The following GJA3 variants were observed in gnomAD, a reference collection of about 807,000 sequenced individuals.
The protein encoded by GJA3 is gap junction alpha-3 protein.
For synonymous variants in GJA3, 297 were observed against 292.6 expected, an observed-to-expected ratio of 1.02 and a Z score of -0.15; for missense variants, 571 against 620.3, an observed-to-expected ratio of 0.92 and a Z score of 0.84.
intron 1 of GJA3, among the ~76,000 whole-genome samples, chr13:20,151,371 G>C (rs1010056808): frequency 7.2e-5 from 11 of 152,168 alleles, no homozygotes; most frequent in African/African-American, 2.7e-4. Context: ...GGAGATGCAG[G>C]CAGTCAACAA....
intron 1 of GJA3, among the ~76,000 whole-genome samples, chr13:20,157,785 CA>C (rs1481595219): frequency 6.6e-6 from 1 of 152,030 alleles, no homozygotes; most frequent in Non-Finnish European, 1.5e-5. Context: ...CAGACTGTCT[CA>C]AGGGGGGTAT....
At chr13:20,152,656 A>G (rs1031971976) in intron 1 of GJA3, among the ~76,000 whole-genome samples, 7 of 152,220 alleles carry the variant, frequency 4.6e-5, no homozygotes, top group Non-Finnish European at 1.5e-5. Context: ...AGTGCTGTAC[A>G]GATGAGAGCT....
At position 20,138,714 on chromosome 13, in the gene GJA3, T is replaced by G. The variant is rs1354129984; in HGVS notation, c.*3267A>C. 1 of 152,216 alleles carries G rather than the reference T, an allele frequency of 6.6e-6. No individual in the cohort carries two copies. The highest frequency in any genetic ancestry group is 1.9e-4 in the East Asian group (1 of 5,194). The allele number at this position is 152,216 out of a possible 1,614,324, so 9.4% of individuals were successfully genotyped here. ...ATTCATCTTTGGAAAACACATTTAC[T>G]CTCTTAAATCATGCAATACTCTCTA... On this transcript the variant is annotated 3_prime_UTR_variant, in exon 2 of 2. Transcript: ENST00000241125.
chr13:20,161,224 G>T (rs1274267715), upstream of GJA3, among the ~76,000 whole-genome samples: 1 of 152,068 alleles, frequency 6.6e-6, no homozygotes, highest in Non-Finnish European at 1.5e-5. Context: ...ACCCTACCCC[G>T]CGCGCACGTC....
intron 1 of GJA3, among the ~76,000 whole-genome samples, chr13:20,148,103 T>C (rs906204748): frequency 3.3e-5 from 5 of 152,054 alleles, no homozygotes; most frequent in African/African-American, 1.2e-4. Flanking sequence ...ACACAGACAA[T>C]CTATCTGGGA....
At chr13:20,148,320 C>T (rs1218907534) in intron 1 of GJA3, among the ~76,000 whole-genome samples, 5 of 140,682 alleles carry the variant, frequency 3.6e-5, no homozygotes, top group South Asian at 2.2e-4. Flanking sequence ...TGCAGTGGCA[C>T]GGATCATAGC....
intron 1 of GJA3, among the ~76,000 whole-genome samples, 191 bp downstream of exon 1, chr13:20,160,699 T>C (rs1329471520): frequency 1.3e-5 from 2 of 152,178 alleles, no homozygotes; most frequent in African/African-American, 4.8e-5. Context: ...TCCCCACAAC[T>C]TTTTGAAGAA....
At chr13:20,153,670 T>C (rs1031341677) in intron 1 of GJA3, among the ~76,000 whole-genome samples, 1 of 151,936 alleles carries the variant, frequency 6.6e-6, no homozygotes, top group Non-Finnish European at 1.5e-5. Flanking sequence ...TATTAGGAGA[T>C]ATACCTAATG....
chr13:20,150,462 T>TGGG (rs1958870523), intron 1 of GJA3, among the ~76,000 whole-genome samples: 1 of 151,966 alleles, frequency 6.6e-6, no homozygotes, highest in South Asian at 2.1e-4. Flanking sequence ...CTGCACAGCG[T>TGGG]GGGGGAAGGC....
chr13:20,151,332 A>T (rs74035930), intron 1 of GJA3, among the ~76,000 whole-genome samples: 5,580 of 152,168 alleles, frequency 0.037, 354 homozygotes, highest in African/African-American at 0.13. Flanking sequence ...CTGCCCCCCA[A>T]CCCCACAACC....
chr13:20,151,941 C>T (rs1958880543), intron 1 of GJA3, among the ~76,000 whole-genome samples: 2 of 152,104 alleles, frequency 1.3e-5, no homozygotes, highest in African/African-American at 2.4e-5. Context: ...AGAAAAGGCC[C>T]GGCATGCCCC....
intron 1 of GJA3, among the ~76,000 whole-genome samples, chr13:20,158,627 G>T (rs572968324): frequency 6.6e-6 from 1 of 151,954 alleles, no homozygotes; most frequent in Non-Finnish European, 1.5e-5. Flanking sequence ...AAAGCAAGCA[G>T]TAGGCTGGGC....
In GJA3 at chr13:20,160,596, C is replaced by G. The variant is rs1958931274; in HGVS notation, c.-18+294G>C. Among the ~76,000 whole-genome samples the G allele has an allele frequency of 6.6e-5, 10 of 152,374 alleles. No individual in the cohort carries two copies. In the South Asian group the frequency reaches 2.1e-3, roughly 32 times the overall value. On this transcript the variant is annotated intron_variant, in intron 1 of 1. Transcript: ENST00000241125. ...TTAAACTCGGCCTTGGACTGTCCAT[C>G]AAGGGAAGCCAAACGAGGCGCTGCT... is the stretch of plus-strand genomic sequence containing the variant.
intron 1 of GJA3, among the ~76,000 whole-genome samples, chr13:20,148,843 A>G (rs1311005503): frequency 6.6e-6 from 1 of 152,204 alleles, no homozygotes; most frequent in Non-Finnish European, 1.5e-5. Flanking sequence ...ACAGAATACC[A>G]CAGCCCATGT....
At position 20,141,836 on chromosome 13, in the gene GJA3, C is replaced by T. The variant is rs1370736544; in HGVS notation, c.*145G>A. On this transcript the variant is annotated 3_prime_UTR_variant, in exon 2 of 2. Transcript: ENST00000241125. ...AGCATTGAACACGGAAACCTGATCTCTCCTCCATCGTCCACCTCCTGGGAC... is the reference window on the plus strand; with the variant it reads ...AGCATTGAACACGGAAACCTGATCTTTCCTCCATCGTCCACCTCCTGGGAC... 2 of 1,207,648 alleles carry T rather than the reference C, an allele frequency of 1.7e-6. No homozygotes were observed. Among genetic ancestry groups the T allele is most frequent in the Non-Finnish European group, 2.3e-6 (2 of 864,554 alleles). 74.8% of individuals were successfully genotyped at this position (1,207,648 alleles called of 1,614,324 possible).
Position 20,140,215 on chromosome 13 carries a change from A to G in GJA3, c.*1766T>C, listed in dbSNP as rs1366541081. On this transcript the variant is annotated 3_prime_UTR_variant, in exon 2 of 2. Transcript: ENST00000241125. ...GTCAATCTGGTTGAGAAAGTCTCTG[A>G]GGAGACGTATGGAAAAGTTAGCATT... 1 of 152,152 alleles carries G rather than the reference A, an allele frequency of 6.6e-6. No individual in the cohort carries two copies. Among genetic ancestry groups the G allele is most frequent in the East Asian group, 1.9e-4 (1 of 5,196 alleles). 9.4% of individuals were successfully genotyped at this position (152,152 alleles called of 1,614,324 possible).
At chr13:20,158,627 G>C (rs572968324) in intron 1 of GJA3, among the ~76,000 whole-genome samples, 1 of 152,070 alleles carries the variant, frequency 6.6e-6, no homozygotes, top group African/African-American at 2.4e-5. Context: ...AAAGCAAGCA[G>C]TAGGCTGGGC....
intron 1 of GJA3, among the ~76,000 whole-genome samples, chr13:20,144,984 T>C (rs906161682): frequency 6.6e-6 from 1 of 152,184 alleles, no homozygotes; most frequent in Non-Finnish European, 1.5e-5. Flanking sequence ...AGTTCAAGAA[T>C]AGCCTGGCCC....
intron 1 of GJA3, among the ~76,000 whole-genome samples, chr13:20,145,357 C>T (rs1028852543): frequency 1.3e-5 from 2 of 152,182 alleles, no homozygotes; most frequent in Non-Finnish European, 2.9e-5. Context: ...GGACTACTCA[C>T]GCATCCTCCC....
Sources: gnomAD v4.1 joint callset for allele counts (sites outside exome capture counted in the v4.1 genomes callset) on GRCh38, gnomAD v4.1.1 for gene constraint, MANE v1.5 for transcripts, NCBI Gene and HGNC (gene_info 2026-07-23, HGNC 2026-07-21) for gene names.